TBK1: variants seen among roughly 807,000 people sequenced by gnomAD.
The protein encoded by TBK1 is serine/threonine-protein kinase TBK1.
TBK1 carries 37 observed loss-of-function variants against 99.9 expected under a neutral mutation model. That is an observed-to-expected ratio of 0.37 (90% CI 0.28 to 0.49). TBK1 has a LOEUF of 0.49. Among genes scored for constraint, TBK1 ranks in the 20% least tolerant of loss-of-function variants. TBK1 has a pLI of 0.98. For synonymous variants in TBK1, 258 were observed against 279.8 expected (o/e 0.92, Z 0.78); for missense variants, 644 against 872.5 (o/e 0.74, Z 3.30).
chr12:64,476,457 G>A (rs371096585), intron 6 of TBK1, among the ~76,000 whole-genome samples: 6 of 151,888 alleles, frequency 4.0e-5, no homozygotes, highest in South Asian at 4.2e-4. Context: ...CACACCCGGC[G>A]CATAGTCTTC....
Position 64,498,015 on chromosome 12 carries a change from C to G in TBK1, c.2114C>G (p.Ala705Gly). 1 of 1,594,580 alleles carries G rather than the reference C, an allele frequency of 6.3e-7. No homozygotes were observed. Among genetic ancestry groups the G allele is most frequent in the African/African-American group, 1.4e-5 (1 of 73,668 alleles). The change falls in exon 20 of 21, where the codon GCT becomes GGT. Residue 705 changes from alanine to glycine, a missense_variant. Transcript: ENST00000331710. ...ATGGAAGGGGTGGTTAAAGAACTTG[C>G]TGAAAATAACCACATTTTAGAAAGG... ...EEMEGVVKEL[A>G]ENNHILERFG...
At chr12:64,470,339 A>G (rs2040650130) in intron 5 of TBK1, among the ~76,000 whole-genome samples, 1 of 152,172 alleles carries the variant, frequency 6.6e-6, no homozygotes, top group African/African-American at 2.4e-5. Flanking sequence ...AAAATAATAG[A>G]TATTTAATAT....
intron 3 of TBK1, among the ~76,000 whole-genome samples, chr12:64,461,852 A>G (rs1049187193): frequency 6.6e-6 from 1 of 152,234 alleles, no homozygotes; most frequent in African/African-American, 2.4e-5. Flanking sequence ...TTGTAGCAAA[A>G]AGATAGAAAT....
chr12:64,466,661 A>G (rs1327276155), intron 4 of TBK1, among the ~76,000 whole-genome samples: 1 of 152,048 alleles, frequency 6.6e-6, no homozygotes, highest in Non-Finnish European at 1.5e-5. Context: ...GTAGTACTTA[A>G]GAGACACTGG....
Position 64,480,068 on chromosome 12 carries a change from A to C in TBK1, c.758A>C (p.Glu253Ala), listed in dbSNP as rs767796656. 1.2e-6 allele frequency: 2 copies of C among 1,613,216 alleles called. No individual in the cohort carries two copies. The highest frequency in any genetic ancestry group is 1.7e-6 in the Non-Finnish European group (2 of 1,179,558). The change falls in exon 7 of 21, where the codon GAA becomes GCA. Residue 253 changes from glutamate (E) to alanine (A), a missense_variant. This residue lies in a region of TBK1 where 465 missense variants were observed against 588.0 expected (regional missense o/e 0.79). Transcript: ENST00000331710. ...SGAISGVQKA[E>A]NGPIDWSGDM... Reference sequence around the variant, plus strand: ...GCAATATCTGGAGTACAGAAAGCAGAAAATGGACCAATTGACTGGAGTGGA... The same window carrying C: ...GCAATATCTGGAGTACAGAAAGCAGCAAATGGACCAATTGACTGGAGTGGA...
chr12:64,485,327 T>A (rs951051132), intron 9 of TBK1, 128 bp from the exon 10 acceptor site: 7 of 470,178 alleles, frequency 1.5e-5, no homozygotes, highest in Admixed American at 4.1e-5. Context: ...GGTGTTTTTT[T>A]AATCACGAAA....
chr12:64,476,817 T>G (rs927269100), intron 6 of TBK1, among the ~76,000 whole-genome samples: 1 of 152,230 alleles, frequency 6.6e-6, no homozygotes, highest in Non-Finnish European at 1.5e-5. Flanking sequence ...TACATTTAAG[T>G]CTTTAATTCA....
chr12:64,490,934 A>C (rs1264283552), intron 13 of TBK1, among the ~76,000 whole-genome samples: 1 of 152,142 alleles, frequency 6.6e-6, no homozygotes, highest in Non-Finnish European at 1.5e-5. Context: ...AAAAAAAAAA[A>C]GATTTAAATT....
chr12:64,495,266 T>C, intron 13 of TBK1: 1 of 442,262 alleles, frequency 2.3e-6, no homozygotes, highest in Non-Finnish European at 4.0e-6. Flanking sequence ...TTTTATAAGA[T>C]GTATTACTGC....
At chr12:64,493,908 G>A (rs952402790) in intron 13 of TBK1, among the ~76,000 whole-genome samples, 1 of 152,088 alleles carries the variant, frequency 6.6e-6, no homozygotes. Context: ...TACCATTATA[G>A]TGTAGGCATT....
chr12:64,496,415 C>T lies in TBK1; in HGVS notation c.1760+9C>T. On this transcript the variant is annotated intron_variant, in intron 16 of 20. Coordinates refer to ENST00000331710, the MANE Select transcript of TBK1 (RefSeq NM_013254.4). ...ATCCACAAATTTGATAAGTAAGTATCCAGATTATGTTTAATAGTTATTTTT... is the reference window on the plus strand; with the variant it reads ...ATCCACAAATTTGATAAGTAAGTATTCAGATTATGTTTAATAGTTATTTTT... 1 of 1,237,890 alleles carries T rather than the reference C, an allele frequency of 8.1e-7. No individual in the cohort carries two copies. The highest frequency in any genetic ancestry group is 1.1e-6 in the Non-Finnish European group (1 of 889,700). The allele number at this position is 1,237,890 out of a possible 1,614,324, so 76.7% of individuals were successfully genotyped here.
Position 64,501,495 on chromosome 12 carries a change from G to A in TBK1, c.*114G>A, listed in dbSNP as rs889553616. On this transcript the variant is annotated 3_prime_UTR_variant, in exon 21 of 21. Transcript: ENST00000331710. ...GTTTCTACAATTCAGTATTTGATGTGGTCGTGTAAATATGTACAATATTGT... is the reference window on the plus strand; with the variant it reads ...GTTTCTACAATTCAGTATTTGATGTAGTCGTGTAAATATGTACAATATTGT... 2 of 1,078,546 alleles carry A rather than the reference G, an allele frequency of 1.9e-6. No homozygotes were observed. The highest frequency in any genetic ancestry group is 2.7e-6 in the Non-Finnish European group (2 of 735,108). The allele number at this position is 1,078,546 out of a possible 1,614,324, so 66.8% of individuals were successfully genotyped here.
chr12:64,500,463 C>A (rs2040977350), intron 20 of TBK1, among the ~76,000 whole-genome samples: 1 of 152,050 alleles, frequency 6.6e-6, no homozygotes, highest in African/African-American at 2.4e-5. Context: ...TGGTAATAAC[C>A]TATTTTTTTT....
At chr12:64,498,186 C>A in intron 20 of TBK1, 147 bp downstream of exon 20, 1 of 628,834 alleles carries the variant, frequency 1.6e-6, no homozygotes, top group East Asian at 3.2e-5. Context: ...GATTGTGTAT[C>A]TGTGATGCCT....
chr12:64,463,177 C>T (rs2040566152), intron 3 of TBK1, among the ~76,000 whole-genome samples: 1 of 151,510 alleles, frequency 6.6e-6, no homozygotes, highest in African/African-American at 2.4e-5. Flanking sequence ...CGAGACCATC[C>T]TGGCTAACAT....
intron 4 of TBK1, 38 bp downstream of exon 4, chr12:64,464,501 A>G (rs1427074758): frequency 6.9e-7 from 1 of 1,449,394 alleles, no homozygotes; most frequent in South Asian, 1.4e-5. Context: ...TTTGTATATA[A>G]AATTTAATAA....
At position 64,484,427 on chromosome 12, in the gene TBK1, A is replaced by C; in HGVS notation, c.1117A>C (p.Thr373Pro). 4 of 1,614,150 alleles carry C rather than the reference A, an allele frequency of 2.5e-6. No homozygotes were observed. The highest frequency in any genetic ancestry group is 2.5e-6 in the Non-Finnish European group (3 of 1,180,018). Residue 373 changes from threonine (T) to proline (P), a missense_variant, in exon 9 of 21, where the codon ACT (threonine) becomes CCT (proline). Transcript: ENST00000331710. ...PGRLAQHFPKTTEENPIFVVS... is the reference protein window; with the variant it reads ...PGRLAQHFPKPTEENPIFVVS... ...AAGGCTGGCACAACATTTCCCTAAA[A>C]CTACTGAGGAAAACCCTATATTTGT...
chr12:64,474,798 G>T (rs978665626), intron 6 of TBK1, among the ~76,000 whole-genome samples: 2 of 152,172 alleles, frequency 1.3e-5, no homozygotes, highest in African/African-American at 4.8e-5. Context: ...ACCCTAAAGT[G>T]AACTGATTCC....
chr12:64,454,468 C>G (rs2040462729), intron 1 of TBK1, among the ~76,000 whole-genome samples: 1 of 151,860 alleles, frequency 6.6e-6, no homozygotes, highest in East Asian at 2.0e-4. Context: ...AGGCTGGTCT[C>G]GAACTCCTGA....
Sources: allele counts gnomAD v4.1 joint callset (sites outside exome capture counted in the v4.1 genomes callset), GRCh38; gene constraint gnomAD v4.1.1; regional missense constraint gnomAD v4.1.1; transcripts MANE v1.5; gene names NCBI Gene and HGNC (gene_info 2026-07-23, HGNC 2026-07-21).